COL24A1: variants seen among roughly 807,000 people sequenced by gnomAD.
COL24A1 encodes the protein collagen type XXIV alpha 1 chain.
In COL24A1, 224 loss-of-function variants were observed where a neutral mutation model predicts 253.9. The observed-to-expected ratio is 0.88, with a 90% CI of 0.79 to 0.99. The LOEUF (loss-of-function observed/expected upper bound fraction) is 0.99. Among genes scored for constraint, COL24A1 ranks in the 50% least tolerant of loss-of-function variants. The probability of loss-of-function intolerance (pLI) is 0.00; values close to 1 mark genes in which losing one functional copy is unlikely to be tolerated. For synonymous variants in COL24A1, 685 were observed against 673.7 expected, an observed-to-expected ratio of 1.02 and a Z score of -0.26; for missense variants, 2,131 against 2,068.5, an observed-to-expected ratio of 1.03 and a Z score of -0.59.
chr1:86,036,287 C>T (rs1047284313), intron 12 of COL24A1, among the ~76,000 whole-genome samples: 3 of 151,984 alleles, frequency 2.0e-5, no homozygotes, highest in African/African-American at 7.2e-5. Flanking sequence ...TGTACCAAGC[C>T]GTTGTGTATT....
chr1:85,833,139 G>T (rs970362348), intron 43 of COL24A1, among the ~76,000 whole-genome samples: 18 of 152,272 alleles, frequency 1.2e-4, no homozygotes, highest in Non-Finnish European at 2.1e-4. Context: ...AGCATGAAGG[G>T]TTGTTGAATT....
intron 14 of COL24A1, among the ~76,000 whole-genome samples, chr1:86,027,304 G>A (rs1419153985): frequency 6.6e-6 from 1 of 152,074 alleles, no homozygotes; most frequent in Non-Finnish European, 1.5e-5. Flanking sequence ...AGACAATGGG[G>A]AAAATGTCTC....
chr1:85,982,183 C>A (rs1693319111), intron 20 of COL24A1, among the ~76,000 whole-genome samples: 1 of 152,020 alleles, frequency 6.6e-6, no homozygotes, highest in African/African-American at 2.4e-5. Flanking sequence ...AGAACAAATG[C>A]ATAATTCCAT....
At chr1:85,864,742 C>A (rs1405024640) in intron 37 of COL24A1, among the ~76,000 whole-genome samples, 1 of 152,106 alleles carries the variant, frequency 6.6e-6, no homozygotes, top group Admixed American at 6.6e-5. Context: ...TAATATCATA[C>A]CACCTTAAAC....
chr1:86,156,205 G>T, intron 1 of COL24A1, 136 bp downstream of exon 1: 1 of 665,474 alleles, frequency 1.5e-6, no homozygotes, highest in Non-Finnish European at 2.6e-6. Context: ...GGAAGATACC[G>T]CGGGTACTCG....
At chr1:85,781,131 A>T in intron 52 of COL24A1, 89 bp downstream of exon 52, 2 of 979,222 alleles carry the variant, frequency 2.0e-6, no homozygotes, top group Non-Finnish European at 1.5e-6. Context: ...TTTCTTCTCA[A>T]ATACCCAGGC....
At chr1:86,067,218 A>G (rs867106290) in intron 7 of COL24A1, among the ~76,000 whole-genome samples, 1 of 152,182 alleles carries the variant, frequency 6.6e-6, no homozygotes, top group Admixed American at 6.6e-5. Context: ...GTCAGTGGAC[A>G]TATCAGGCTC....
chr1:86,017,213 G>C lies in COL24A1; in HGVS notation c.2257-9C>G, dbSNP rs749245436. The C allele has an allele frequency of 1.2e-5, 18 of 1,550,466 alleles. No individual in the cohort carries two copies. The highest frequency in any genetic ancestry group is 4.5e-5 in the Admixed American group (2 of 44,458). ...GGGTCACCTGTTTGGCCCTAAAATG[G>C]GGGGGGAGGATCAAAGTATAAACAT... On this transcript the variant is annotated splice_polypyrimidine_tract_variant and intron_variant, in intron 18 of 59. Coordinates refer to ENST00000370571, the MANE Select transcript of COL24A1 (RefSeq NM_152890.7).
chr1:85,949,524 T>C (rs938797409), intron 24 of COL24A1, among the ~76,000 whole-genome samples: 1 of 152,160 alleles, frequency 6.6e-6, no homozygotes, highest in Non-Finnish European at 1.5e-5. Context: ...CAAATGTTTA[T>C]TGAATATATA....
Position 86,135,129 on chromosome 1 carries a change from T to C in COL24A1, c.122-8915A>G, listed in dbSNP as rs556637766. Among the ~76,000 whole-genome samples, 420 of 150,022 alleles carry C rather than the reference T, an allele frequency of 2.8e-3. 2 individuals carry two copies. Among genetic ancestry groups the C allele is most frequent in the African/African-American group, 9.7e-3 (399 of 40,998 alleles). On this transcript the variant is annotated intron_variant, in intron 2 of 59. Transcript: ENST00000370571. ...TGGCCTTCTTTGTCTCTTTTGATCC[T>C]TGTTGGTTTAAAGTCTGTTTTATCA...
At chr1:86,045,967 C>A in intron 12 of COL24A1, 1 of 332,932 alleles carries the variant, frequency 3.0e-6, no homozygotes, top group Non-Finnish European at 6.0e-6. Context: ...TGCTCAATTA[C>A]TGATTTTACC....
At chr1:85,924,460 AG>A (rs1194331104) in intron 24 of COL24A1, among the ~76,000 whole-genome samples, 1 of 152,240 alleles carries the variant, frequency 6.6e-6, no homozygotes, top group African/African-American at 2.4e-5. Flanking sequence ...CACATCAAAA[AG>A]CTTATCCACC....
At chr1:85,755,015 A>G (rs1432619867) in intron 55 of COL24A1, among the ~76,000 whole-genome samples, 2 of 152,184 alleles carry the variant, frequency 1.3e-5, no homozygotes, top group Non-Finnish European at 2.9e-5. Context: ...TAATCAAACT[A>G]TCTAATGCTA....
intron 55 of COL24A1, among the ~76,000 whole-genome samples, chr1:85,758,888 T>C (rs1469451671): frequency 1.3e-5 from 2 of 152,190 alleles, no homozygotes; most frequent in African/African-American, 4.8e-5. Context: ...AATTCAGTTG[T>C]CTTTAGTAGA....
intron 19 of COL24A1, among the ~76,000 whole-genome samples, chr1:85,995,292 C>T (rs910282788): frequency 6.6e-5 from 10 of 151,702 alleles, no homozygotes; most frequent in African/African-American, 2.4e-4. Context: ...CGTTTTGTTG[C>T]CCAGGCTGGT....
intron 37 of COL24A1, among the ~76,000 whole-genome samples, chr1:85,859,076 A>C (rs1678838871): frequency 6.6e-6 from 1 of 151,962 alleles, no homozygotes. Flanking sequence ...CAGAATTATC[A>C]CTCATGTTGA....
intron 2 of COL24A1, among the ~76,000 whole-genome samples, chr1:86,141,775 C>T (rs1651126362): frequency 1.3e-5 from 2 of 151,782 alleles, no homozygotes; most frequent in African/African-American, 2.4e-5. Flanking sequence ...ATCTCAGCGC[C>T]CTGCAACCTC....
At chr1:85,870,769 A>T (rs1313490610) in intron 35 of COL24A1, among the ~76,000 whole-genome samples, 1 of 152,200 alleles carries the variant, frequency 6.6e-6, no homozygotes, top group East Asian at 1.9e-4. Context: ...TTAACACCCT[A>T]ACATCACAAT....
intron 37 of COL24A1, among the ~76,000 whole-genome samples, chr1:85,864,265 C>G (rs946764138): frequency 6.6e-5 from 10 of 152,080 alleles, no homozygotes; most frequent in African/African-American, 1.9e-4. Context: ...ATGGATGAAG[C>G]TGGAAGCTAT....
Sources: allele counts gnomAD v4.1 joint callset (sites outside exome capture counted in the v4.1 genomes callset), GRCh38; gene constraint gnomAD v4.1.1; transcripts MANE v1.5; gene names NCBI Gene and HGNC (gene_info 2026-07-23, HGNC 2026-07-21).